Variants in ATP10B observed in about 807,000 individuals in gnomAD.
ATP10B encodes the protein phospholipid-transporting ATPase VB.
A neutral mutation model predicts 141.2 loss-of-function variants in ATP10B; 122 were observed. The observed-to-expected ratio is 0.86, with a 90% CI of 0.75 to 1.00. The LOEUF (loss-of-function observed/expected upper bound fraction) is 1.00, where lower values mean the gene tolerates loss of function less well. Ranked by LOEUF, ATP10B falls within the 50% of genes least tolerant of loss-of-function variation. The pLI, the probability that ATP10B is intolerant of heterozygous loss-of-function variation, is 0.00. For synonymous variants in ATP10B, 685 were observed against 692.0 expected (o/e 0.99, Z 0.16); for missense variants, 1,876 against 1,825.3 (o/e 1.03, Z -0.51).
At chr5:160,640,840 C>A (rs1324992114) in intron 9 of ATP10B, among the ~76,000 whole-genome samples, 1 of 152,208 alleles carries the variant, frequency 6.6e-6, no homozygotes, top group East Asian at 1.9e-4. Flanking sequence ...AGCTCCCATG[C>A]ACAGGCTATG....
At chr5:160,833,735 G>T (rs1479149618) in intron 1 of ATP10B, among the ~76,000 whole-genome samples, 1 of 152,098 alleles carries the variant, frequency 6.6e-6, no homozygotes, top group Non-Finnish European at 1.5e-5. Context: ...GCTGAGAAAT[G>T]AAACCTTATA....
intron 1 of ATP10B, among the ~76,000 whole-genome samples, chr5:160,835,057 G>A (rs1050148429): frequency 3.9e-5 from 6 of 152,062 alleles, no homozygotes; most frequent in African/African-American, 1.4e-4. Flanking sequence ...TGATGAGGCT[G>A]AAGTTCCTCT....
intron 6 of ATP10B, among the ~76,000 whole-genome samples, chr5:160,674,534 C>A (rs1228104712): frequency 2.0e-5 from 3 of 152,180 alleles, no homozygotes; most frequent in Non-Finnish European, 4.4e-5. Flanking sequence ...CACTGCTCTA[C>A]TGGTTATAAT....
the ATP10B span, among the ~76,000 whole-genome samples, chr5:160,877,612 A>G: frequency 1.3e-5 from 2 of 150,776 alleles, no homozygotes; most frequent in African/African-American, 2.4e-5. Flanking sequence ...TTTGCAGATG[A>G]CATGATTGTA....
At chr5:160,602,335 CT>C (rs1439814778) in intron 21 of ATP10B, among the ~76,000 whole-genome samples, 3 of 152,320 alleles carry the variant, frequency 2.0e-5, no homozygotes, top group Admixed American at 2.0e-4. Context: ...TCATGCTGCC[CT>C]CTGTGTGCCA....
At chr5:160,604,968 G>T (rs1308707292) in intron 19 of ATP10B, among the ~76,000 whole-genome samples, 1 of 152,150 alleles carries the variant, frequency 6.6e-6, no homozygotes, top group Admixed American at 6.5e-5. Context: ...AATATTTTAG[G>T]CTTTGTGAGC....
upstream of ATP10B, among the ~76,000 whole-genome samples, chr5:160,852,694 T>C (rs79346305): frequency 3.2e-3 from 488 of 152,290 alleles, 26 homozygotes; most frequent in East Asian, 0.073. Context: ...GGTGCAAACT[T>C]ACAGAAAATC....
the ATP10B span, among the ~76,000 whole-genome samples, chr5:160,889,407 TA>T: frequency 6.6e-6 from 1 of 152,162 alleles, no homozygotes; most frequent in Non-Finnish European, 1.5e-5. Context: ...GTGTAGTAAT[TA>T]AAAGGAGTTG....
chr5:160,688,189 A>G (rs898602894), intron 4 of ATP10B, 95 bp from the exon 5 acceptor site: 187 of 1,335,652 alleles, frequency 1.4e-4, no homozygotes, highest in Non-Finnish European at 1.7e-4. Context: ...AGACACTGAA[A>G]GTAGTCTTAA....
intron 7 of ATP10B, 137 bp downstream of exon 7, chr5:160,670,326 G>A (rs987569843): frequency 1.3e-6 from 1 of 752,210 alleles, no homozygotes. Flanking sequence ...GTAGGATTTA[G>A]TGTATCTAAA....
In ATP10B at chr5:160,757,077, C is replaced by T. The variant is rs144403932; in HGVS notation, c.-331+28482G>A. ...TAAAATACATTTTGTAATTTTAGAT[C>T]TTGCATTCAGGTTTATGATCCATTT... On this transcript the variant is annotated intron_variant, in intron 2 of 25. Transcript: ENST00000327245. 3.1e-3 allele frequency among the ~76,000 whole-genome samples: 469 copies of T among 152,086 alleles called. 2 individuals carry two copies. The highest frequency in any genetic ancestry group is 0.011 in the African/African-American group (445 of 41,470).
chr5:160,636,326 C>G lies in ATP10B; in HGVS notation c.1001-17G>C. ...TGCTGTGACCTGAGAGGAGGCAAAA[C>G]CAGGAATGAGGCTGAATCTCTACTA... On this transcript the variant is annotated splice_polypyrimidine_tract_variant and intron_variant, in intron 10 of 25. Transcript: ENST00000327245. 7 of 1,609,916 alleles carry G rather than the reference C, an allele frequency of 4.3e-6. No homozygotes were observed. Among genetic ancestry groups the G allele is most frequent in the Non-Finnish European group, 5.9e-6 (7 of 1,178,220 alleles).
At chr5:160,894,750 G>A in the ATP10B span, among the ~76,000 whole-genome samples, 69,215 of 151,936 alleles carry the variant, frequency 0.46, 16,992 homozygotes, top group Non-Finnish European at 0.54. Flanking sequence ...ATGCATAATC[G>A]CCAGATTCAC....
the ATP10B span, among the ~76,000 whole-genome samples, chr5:160,860,567 G>A: frequency 3.3e-5 from 5 of 151,914 alleles, no homozygotes; most frequent in Admixed American, 1.3e-4. Flanking sequence ...AAACAACAAT[G>A]AAGAAACTTT....
At chr5:160,784,853 A>G (rs963832131) in intron 2 of ATP10B, among the ~76,000 whole-genome samples, 5 of 152,094 alleles carry the variant, frequency 3.3e-5, no homozygotes, top group Admixed American at 6.6e-5. Context: ...TGCCTTTACA[A>G]TCACTATTCT....
chr5:160,671,096 C>G (rs532474984), intron 6 of ATP10B, among the ~76,000 whole-genome samples: 6 of 128,068 alleles, frequency 4.7e-5, no homozygotes, highest in African/African-American at 1.8e-4. Flanking sequence ...ACCTGGGAGG[C>G]GGAGGTTGCA....
intron 7 of ATP10B, among the ~76,000 whole-genome samples, chr5:160,650,131 T>A (rs1760612550): frequency 6.7e-6 from 1 of 149,824 alleles, no homozygotes; most frequent in Non-Finnish European, 1.5e-5. Flanking sequence ...TATATATATA[T>A]ATACACACAC....
chr5:160,617,382 C>T (rs141243268), intron 16 of ATP10B, among the ~76,000 whole-genome samples: 111 of 152,262 alleles, frequency 7.3e-4, no homozygotes, highest in Non-Finnish European at 1.4e-3. Flanking sequence ...CCACAGAACA[C>T]AGCTGAACAT....
intron 1 of ATP10B, among the ~76,000 whole-genome samples, chr5:160,795,606 A>G (rs1013348963): frequency 5.9e-5 from 9 of 151,630 alleles, no homozygotes; most frequent in African/African-American, 2.2e-4. Context: ...GGGTCTTTGC[A>G]GATGTGATTA....
Sources: gnomAD v4.1 joint callset for allele counts (sites outside exome capture counted in the v4.1 genomes callset) on GRCh38, gnomAD v4.1.1 for gene constraint, MANE v1.5 for transcripts, NCBI Gene and HGNC (gene_info 2026-07-23, HGNC 2026-07-21) for gene names.